Variants in TSHZ2 observed in about 807,000 individuals in gnomAD.
The protein encoded by TSHZ2 is teashirt zinc finger homeobox 2.
In TSHZ2, 21 loss-of-function variants were observed where a neutral mutation model predicts 74.4. The observed-to-expected ratio is 0.28, with a 90% confidence interval of 0.20 to 0.41. TSHZ2 has a LOEUF of 0.41. Among genes scored for constraint, TSHZ2 ranks in the 10% least tolerant of loss-of-function variants. The probability of loss-of-function intolerance (pLI) is 1.00; values close to 1 mark genes in which losing one functional copy is unlikely to be tolerated. For synonymous variants in TSHZ2, 540 were observed against 515.3 expected, an observed-to-expected ratio of 1.05 and a Z score of -0.65; for missense variants, 1,244 against 1,293.5, an observed-to-expected ratio of 0.96 and a Z score of 0.59.
rs1163676688 is a variant in TSHZ2, at chr20:53,436,538, TA to T, written c.*9-50605del. ...TATTTTATTTATTTATTATTATTAT[TA>T]TTATTATTATTTTTTTTTTTTTTTT... On this transcript the variant is annotated intron_variant, in intron 2 of 2. Transcript: ENST00000371497. Among the ~76,000 whole-genome samples the T allele has an allele frequency of 9.0e-3, 847 of 94,236 alleles. 8 individuals carry two copies. The highest frequency in any genetic ancestry group is 0.024 in the African/African-American group (534 of 22,248). 61.8% of individuals were successfully genotyped at this position (94,236 alleles called of 152,430 possible). A position where few individuals can be genotyped will look rare whatever the true frequency, so the allele number is the denominator to read the frequency against.
At chr20:53,462,229 G>A (rs1270295846) in intron 2 of TSHZ2, among the ~76,000 whole-genome samples, 4 of 152,172 alleles carry the variant, frequency 2.6e-5, no homozygotes, top group African/African-American at 4.8e-5. Flanking sequence ...ACTCCAGCCT[G>A]GGTGACACTG....
At chr20:52,997,260 G>A (rs1195851592) in intron 1 of TSHZ2, among the ~76,000 whole-genome samples, 6 of 55,064 alleles carry the variant, frequency 1.1e-4, no homozygotes, top group Admixed American at 7.1e-4. Context: ...ATCTTGCCCC[G>A]GGGGGGGGTT....
At chr20:53,432,092 A>G (rs1214479388) in intron 2 of TSHZ2, among the ~76,000 whole-genome samples, 2 of 152,146 alleles carry the variant, frequency 1.3e-5, no homozygotes, top group Non-Finnish European at 2.9e-5. Context: ...CGAGTAGTGT[A>G]CCCAAAATGT....
Position 52,972,846 on chromosome 20 carries a change from T to C in TSHZ2, c.-448T>C, listed in dbSNP as rs1386256477. ...ATTGCCTTTTTTTTTTCCTTATCTT[T>C]ACGCGCGAGTGTGCCTGTGGCGCGT... On this transcript the variant is annotated 5_prime_UTR_variant, in exon 1 of 3. Coordinates refer to ENST00000371497, the MANE Select transcript of TSHZ2 (RefSeq NM_173485.6). 2 of 201,894 alleles carry C rather than the reference T, an allele frequency of 9.9e-6. No individual in the cohort carries two copies. The highest frequency in any genetic ancestry group is 4.8e-5 in the African/African-American group (2 of 41,308). The allele number at this position is 201,894 out of a possible 1,614,324, so 12.5% of individuals were successfully genotyped here.
At chr20:53,338,389 TG>T (rs1319402061) in intron 2 of TSHZ2, among the ~76,000 whole-genome samples, 3 of 152,198 alleles carry the variant, frequency 2.0e-5, no homozygotes, top group Admixed American at 6.5e-5. Context: ...GATGACTGCC[TG>T]GGTCCTCCCT....
At chr20:53,396,534 T>C (rs958301249) in intron 2 of TSHZ2, among the ~76,000 whole-genome samples, 5 of 152,064 alleles carry the variant, frequency 3.3e-5, no homozygotes, top group Non-Finnish European at 7.4e-5. Flanking sequence ...ATATTCTCCT[T>C]GCAATCCCAT....
intron 2 of TSHZ2, among the ~76,000 whole-genome samples, chr20:53,426,602 GAT>G (rs1983665017): frequency 6.6e-6 from 1 of 152,146 alleles, no homozygotes; most frequent in Non-Finnish European, 1.5e-5. Context: ...AAAGATAAAT[GAT>G]GATTTTTATT....
At chr20:53,016,579 G>T (rs1983047978) in intron 1 of TSHZ2, among the ~76,000 whole-genome samples, 2 of 152,150 alleles carry the variant, frequency 1.3e-5, no homozygotes, top group African/African-American at 4.8e-5. Flanking sequence ...GGTCCACAGA[G>T]AAATGGTTTT....
intron 2 of TSHZ2, among the ~76,000 whole-genome samples, chr20:53,266,929 A>G (rs533335397): frequency 1.8e-4 from 27 of 152,032 alleles, no homozygotes; most frequent in Non-Finnish European, 3.2e-4. Context: ...GGGTGCCACC[A>G]CCACACTCAG....
chr20:53,106,854 C>T (rs891094501), intron 1 of TSHZ2, among the ~76,000 whole-genome samples: 4 of 151,770 alleles, frequency 2.6e-5, no homozygotes, highest in Non-Finnish European at 4.4e-5. Flanking sequence ...TGCACCACCA[C>T]GCCCAGCTAA....
intron 1 of TSHZ2, among the ~76,000 whole-genome samples, chr20:53,072,989 T>TCCATCCCTCCCTCCATCCATCCCTCCCTC (rs1985228369): frequency 1.0e-3 from 102 of 101,732 alleles, no homozygotes; most frequent in Middle Eastern, 6.7e-3. Flanking sequence ...ATCCCTCCCT[T>TCCATCCCTCCCTCCATCCATCCCTCCCTC]CATCCATCCC....
intron 2 of TSHZ2, among the ~76,000 whole-genome samples, chr20:53,345,357 G>T (rs1362202698): frequency 6.6e-6 from 1 of 152,106 alleles, no homozygotes; most frequent in Admixed American, 6.5e-5. Flanking sequence ...GCTCTTGGTG[G>T]TTGGGAGAAA....
Position 52,973,148 on chromosome 20 carries a change from G to T in TSHZ2, c.-146G>T, listed in dbSNP as rs1461693384. 37 of 1,013,874 alleles carry T rather than the reference G, an allele frequency of 3.6e-5. No individual in the cohort carries two copies. The highest frequency in any genetic ancestry group is 5.2e-5 in the Non-Finnish European group (36 of 695,444). The allele number at this position is 1,013,874 out of a possible 1,614,324, so 62.8% of individuals were successfully genotyped here. A position where few individuals can be genotyped will look rare whatever the true frequency, so the allele number is the denominator to read the frequency against. Reference sequence around the variant, plus strand: ...CCCGTGGTGGAGGAGTTGCAGGGGGGATCGTCAGGGGGACAGAGGCCGAGT... The same window carrying T: ...CCCGTGGTGGAGGAGTTGCAGGGGGTATCGTCAGGGGGACAGAGGCCGAGT... On this transcript the variant is annotated 5_prime_UTR_variant, in exon 1 of 3. Coordinates refer to ENST00000371497, the MANE Select transcript of TSHZ2 (RefSeq NM_173485.6).
intron 2 of TSHZ2, among the ~76,000 whole-genome samples, chr20:53,404,109 AT>A (rs1279079441): frequency 6.6e-6 from 1 of 152,208 alleles, no homozygotes; most frequent in Non-Finnish European, 1.5e-5. Flanking sequence ...CCACCTCAAC[AT>A]TTCAAGGATG....
chr20:53,009,552 T>C (rs942181561), intron 1 of TSHZ2, among the ~76,000 whole-genome samples: 29 of 152,178 alleles, frequency 1.9e-4, no homozygotes, highest in African/African-American at 7.0e-4. Context: ...TTAATATTTT[T>C]GAACCATAGT....
intron 2 of TSHZ2, among the ~76,000 whole-genome samples, chr20:53,428,210 G>A (rs928601431): frequency 1.3e-5 from 2 of 152,194 alleles, no homozygotes; most frequent in Non-Finnish European, 2.9e-5. Flanking sequence ...ATGCAGAAAT[G>A]GAGTTAGAGA....
intron 1 of TSHZ2, among the ~76,000 whole-genome samples, chr20:53,062,515 G>A (rs1984854599): frequency 6.6e-6 from 1 of 152,168 alleles, no homozygotes; most frequent in African/African-American, 2.4e-5. Context: ...AAGTGTTAGT[G>A]TTTCTTGAAC....
chr20:53,296,430 C>T (rs1437919471), intron 2 of TSHZ2, among the ~76,000 whole-genome samples: 1 of 152,218 alleles, frequency 6.6e-6, no homozygotes, highest in African/African-American at 2.4e-5. Flanking sequence ...TATGTAACCT[C>T]CTTCAAATTA....
At chr20:53,368,501 G>A (rs764107645) in intron 2 of TSHZ2, among the ~76,000 whole-genome samples, 14 of 152,020 alleles carry the variant, frequency 9.2e-5, no homozygotes, top group Non-Finnish European at 1.8e-4. Context: ...AGTAGAGCTG[G>A]GGTTTCACCA....
Sources: allele counts gnomAD v4.1 joint callset (sites outside exome capture counted in the v4.1 genomes callset), GRCh38; gene constraint gnomAD v4.1.1; transcripts MANE v1.5; gene names NCBI Gene and HGNC (gene_info 2026-07-23, HGNC 2026-07-21).